Variants in CC2D2A observed in about 807,000 individuals in gnomAD.
CC2D2A encodes the protein coiled-coil and C2 domain containing 2A.
A neutral mutation model predicts 212.9 loss-of-function variants in CC2D2A; 155 were observed. The observed-to-expected ratio is 0.73, with a 90% confidence interval of 0.64 to 0.83. The LOEUF is 0.83. Among genes scored for constraint, CC2D2A ranks in the 40% least tolerant of loss-of-function variants. The pLI, the probability that CC2D2A is intolerant of heterozygous loss-of-function variation, is 0.00. For synonymous variants in CC2D2A, 667 were observed against 686.5 expected (o/e 0.97, Z 0.44); for missense variants, 1,856 against 1,956.2 (o/e 0.95, Z 0.97).
At chr4:15,491,565 C>T (rs1007992005) in intron 4 of CC2D2A, among the ~76,000 whole-genome samples, 1 of 152,120 alleles carries the variant, frequency 6.6e-6, no homozygotes, top group Admixed American at 6.5e-5. Context: ...CCACCACATC[C>T]AGCTAATGTT....
chr4:15,583,554 T>TA (rs1394231698), intron 30 of CC2D2A, among the ~76,000 whole-genome samples: 3 of 152,000 alleles, frequency 2.0e-5, no homozygotes, highest in Non-Finnish European at 4.4e-5. Flanking sequence ...TAAACTAGCT[T>TA]AAAAAAATCA....
At position 15,598,150 on chromosome 4, in the gene CC2D2A, T is replaced by C. The variant is rs114701135; in HGVS notation, c.4496+685T>C. On this transcript the variant is annotated intron_variant, in intron 35 of 36. Coordinates refer to ENST00000424120, the MANE Select transcript of CC2D2A (RefSeq NM_001378615.1). ...AACAACTAATCTCCAAACAACCTTT[T>C]TGTTTTTTTCTGATAGCTTCAACAT... 1.5e-3 allele frequency among the ~76,000 whole-genome samples: 226 copies of C among 152,348 alleles called. 1 individual carries two copies. The highest frequency in any genetic ancestry group is 4.5e-3 in the African/African-American group (188 of 41,574).
chr4:15,575,473 T>A (rs1251184525), intron 29 of CC2D2A, among the ~76,000 whole-genome samples: 1 of 152,216 alleles, frequency 6.6e-6, no homozygotes, highest in African/African-American at 2.4e-5. Flanking sequence ...TACATTCACA[T>A]GTAAGCGTAA....
intron 30 of CC2D2A, among the ~76,000 whole-genome samples, chr4:15,584,884 CAAATG>C (rs1388756019): frequency 2.0e-5 from 3 of 152,062 alleles, no homozygotes; most frequent in Non-Finnish European, 4.4e-5. Context: ...GTCCAACAAA[CAAATG>C]AAAAAATGTT....
At chr4:15,577,328 T>A (rs1007716793) in intron 29 of CC2D2A, among the ~76,000 whole-genome samples, 2 of 152,164 alleles carry the variant, frequency 1.3e-5, no homozygotes, top group Non-Finnish European at 2.9e-5. Flanking sequence ...ATACACCCAT[T>A]CAGTTTTTTA....
chr4:15,563,646 T>C (rs1425731227), intron 24 of CC2D2A, 124 bp downstream of exon 24: 1 of 1,047,494 alleles, frequency 9.5e-7, no homozygotes, highest in African/African-American at 1.6e-5. Flanking sequence ...CTGAGGGTTC[T>C]TGCAAAGCCA....
At chr4:15,542,826 G>GT (rs1440255075) in intron 17 of CC2D2A, among the ~76,000 whole-genome samples, 1 of 152,142 alleles carries the variant, frequency 6.6e-6, no homozygotes, top group African/African-American at 2.4e-5. Context: ...AACCCAGGAG[G>GT]TGGGTTCAAT....
At chr4:15,494,798 A>G (rs916751674) in intron 4 of CC2D2A, among the ~76,000 whole-genome samples, 1 of 152,260 alleles carries the variant, frequency 6.6e-6, no homozygotes, top group South Asian at 2.1e-4. Context: ...AAAGTTTTTA[A>G]TTAGTATTAA....
intron 1 of CC2D2A, among the ~76,000 whole-genome samples, chr4:15,471,284 C>A (rs1174518522): frequency 6.6e-6 from 1 of 152,000 alleles, no homozygotes; most frequent in Non-Finnish European, 1.5e-5. Flanking sequence ...TTCAGAAGCA[C>A]CATAAATGGA....
intron 31 of CC2D2A, 88 bp from the exon 32 acceptor site, chr4:15,587,728 C>T: frequency 1.4e-6 from 1 of 707,410 alleles, no homozygotes; most frequent in Admixed American, 2.1e-5. Flanking sequence ...AAGACACTAA[C>T]CTCTACTATG....
At position 15,553,160 on chromosome 4, in the gene CC2D2A, G is replaced by C; in HGVS notation, c.2341G>C (p.Val781Leu). The C allele has an allele frequency of 6.3e-7, 1 of 1,599,344 alleles. No individual in the cohort carries two copies. The highest frequency in any genetic ancestry group is 8.5e-7 in the Non-Finnish European group (1 of 1,174,564). ...TGTTTAATCTGGTGTTTCCCCAGGA[G>C]TGCCCTTCTCATTTGAAGCTGATGG... ...TLDHEGVGSG[V>L]PFSFEADGSN... The change falls in exon 19 of 37, where the codon GTG becomes CTG. Residue 781 changes from valine to leucine, a missense_variant and splice_region_variant. Coordinates refer to ENST00000424120, the MANE Select transcript of CC2D2A (RefSeq NM_001378615.1).
chr4:15,597,711 CTTGGA>C (rs1350687266), intron 35 of CC2D2A, among the ~76,000 whole-genome samples: 3 of 152,182 alleles, frequency 2.0e-5, no homozygotes, highest in Non-Finnish European at 2.9e-5. Flanking sequence ...GGGACTTCAC[CTTGGA>C]TTGGAGTTTA....
At chr4:15,490,940 G>A (rs1044587251) in intron 4 of CC2D2A, among the ~76,000 whole-genome samples, 1 of 152,048 alleles carries the variant, frequency 6.6e-6, no homozygotes, top group African/African-American at 2.4e-5. Flanking sequence ...AATCGATCAC[G>A]ACCCCCTCAC....
chr4:15,559,381 T>G, intron 22 of CC2D2A, 124 bp downstream of exon 22: 1 of 622,796 alleles, frequency 1.6e-6, no homozygotes, highest in South Asian at 2.1e-5. Context: ...TGCATAAATT[T>G]CCTCATAAAC....
intron 14 of CC2D2A, among the ~76,000 whole-genome samples, chr4:15,534,414 T>C (rs1263061239): frequency 6.6e-6 from 1 of 152,222 alleles, no homozygotes; most frequent in African/African-American, 2.4e-5. Context: ...TGATATTGTC[T>C]CCTATAACCT....
At chr4:15,600,501 G>A (rs1011782891) in intron 36 of CC2D2A, among the ~76,000 whole-genome samples, 1 of 152,144 alleles carries the variant, frequency 6.6e-6, no homozygotes. Flanking sequence ...ACTACCCAAA[G>A]CAGGAGAACA....
At chr4:15,481,233 G>T (rs1406018203) in intron 4 of CC2D2A, 1 of 455,304 alleles carries the variant, frequency 2.2e-6, no homozygotes, top group Non-Finnish European at 4.4e-6. Flanking sequence ...GGCAGGCCAG[G>T]CACGGTGACT....
At chr4:15,543,765 C>T (rs1008191836) in intron 17 of CC2D2A, 2 of 152,434 alleles carry the variant, frequency 1.3e-5, no homozygotes, top group African/African-American at 4.8e-5. Context: ...AAGGGCTCCT[C>T]TTCCTCTGTC....
chr4:15,470,684 TCTCTCTA>T (rs1713715709), intron 1 of CC2D2A, among the ~76,000 whole-genome samples: 17 of 27,846 alleles, frequency 6.1e-4, no homozygotes, highest in African/African-American at 1.5e-3. Flanking sequence ...TCTCTCTCTC[TCTCTCTA>T]TATATATATA....
Sources: gnomAD v4.1 joint callset for allele counts (sites outside exome capture counted in the v4.1 genomes callset) on GRCh38, gnomAD v4.1.1 for gene constraint, MANE v1.5 for transcripts, NCBI Gene and HGNC (gene_info 2026-07-23, HGNC 2026-07-21) for gene names.